Variants in CYFIP2 observed in about 807,000 individuals in gnomAD.
CYFIP2 encodes the protein cytoplasmic FMR1 interacting protein 2, also known as cytoplasmic FMR1-interacting protein 2.
CYFIP2 carries 29 observed loss-of-function variants against 158.7 expected under a neutral mutation model. That is an observed-to-expected ratio of 0.18 (90% CI 0.14 to 0.25). CYFIP2 has a LOEUF of 0.25. Ranked by LOEUF, CYFIP2 falls within the 10% of genes least tolerant of loss-of-function variation. CYFIP2 has a pLI of 1.00. For synonymous variants in CYFIP2, 585 were observed against 617.6 expected, an observed-to-expected ratio of 0.95 and a Z score of 0.78; for missense variants, 852 against 1,639.5, an observed-to-expected ratio of 0.52 and a Z score of 8.29.
At chr5:157,385,251 A>G (rs930122489) in intron 28 of CYFIP2, among the ~76,000 whole-genome samples, 1 of 152,254 alleles carries the variant, frequency 6.6e-6, no homozygotes, top group African/African-American at 2.4e-5. Context: ...TGGGACTGAT[A>G]GAAATCTCAG....
At chr5:157,294,229 A>G (rs1758068623) in intron 3 of CYFIP2, among the ~76,000 whole-genome samples, 1 of 152,156 alleles carries the variant, frequency 6.6e-6, no homozygotes, top group Non-Finnish European at 1.5e-5. Context: ...GGCTATTATC[A>G]TCCTTGCTTT....
chr5:157,335,236 A>G (rs1024908720), intron 21 of CYFIP2, among the ~76,000 whole-genome samples: 6 of 152,126 alleles, frequency 3.9e-5, no homozygotes, highest in African/African-American at 1.4e-4. Flanking sequence ...GGGTTACTAT[A>G]AGGATAAAAT....
chr5:157,279,962 T>C lies in CYFIP2; in HGVS notation c.-23-5377T>C, dbSNP rs147688522. Reference sequence around the variant, plus strand: ...TGGCAGTGCCTACCAGCACTTGAGCTAAAAATGTCGGATTTCCTTCTCCCT... The same window carrying C: ...TGGCAGTGCCTACCAGCACTTGAGCCAAAAATGTCGGATTTCCTTCTCCCT... On this transcript the variant is annotated intron_variant, in intron 1 of 30. Transcript: ENST00000620254. Among the ~76,000 whole-genome samples, 104 of 152,334 alleles carry C rather than the reference T, an allele frequency of 6.8e-4. No homozygotes were observed. The East Asian group carries it at 0.019, about 27-fold the overall frequency.
chr5:157,294,664 A>G, intron 3 of CYFIP2, 119 bp from the exon 4 acceptor site: 1 of 679,086 alleles, frequency 1.5e-6, no homozygotes, highest in Non-Finnish European at 2.5e-6. Flanking sequence ...TAAGGTCCCC[A>G]AGTGATGTCC....
intron 1 of CYFIP2, among the ~76,000 whole-genome samples, chr5:157,268,226 ACCG>A (rs1170497764): frequency 6.6e-6 from 1 of 152,184 alleles, no homozygotes; most frequent in Non-Finnish European, 1.5e-5. Context: ...GCCAGTTCTG[ACCG>A]GTTCTGTAGG....
chr5:157,378,175 G>A (rs1021191867), intron 26 of CYFIP2, among the ~76,000 whole-genome samples: 3 of 152,026 alleles, frequency 2.0e-5, no homozygotes, highest in African/African-American at 7.2e-5. Flanking sequence ...TTATAGACTT[G>A]GAATAACATC....
At position 157,286,579 on chromosome 5, in the gene CYFIP2, T is replaced by TA. The variant is rs1554106982; in HGVS notation, c.118-440_118-439insA. 1.4e-3 allele frequency among the ~76,000 whole-genome samples: 202 copies of TA among 148,228 alleles called. 1 individual carries two copies. Among genetic ancestry groups the TA allele is most frequent in the African/African-American group, 4.4e-3 (176 of 40,420 alleles). On this transcript the variant is annotated intron_variant, in intron 2 of 30. Transcript: ENST00000620254. The stretch of plus-strand genomic sequence containing the variant: ...ATATATATATATATATATATATATA[T>TA]TTAGCCTTTCACTGTTGATGGATAT...
intron 13 of CYFIP2, 133 bp from the exon 14 acceptor site, chr5:157,319,629 G>A: frequency 9.4e-7 from 1 of 1,064,422 alleles, no homozygotes; most frequent in Non-Finnish European, 1.3e-6. Context: ...GCCATGCGCT[G>A]GCACTTTGAG....
chr5:157,332,458 G>A (rs566007473), intron 20 of CYFIP2, among the ~76,000 whole-genome samples: 1 of 152,304 alleles, frequency 6.6e-6, no homozygotes, highest in African/African-American at 2.4e-5. Context: ...ACCCCTGAAT[G>A]CTTCAGCCTA....
chr5:157,347,422 A>G (rs191869372), intron 23 of CYFIP2, among the ~76,000 whole-genome samples: 1 of 152,064 alleles, frequency 6.6e-6, no homozygotes, highest in Non-Finnish European at 1.5e-5. Context: ...TTGATCAGAA[A>G]GTTGCTCTGC....
intron 6 of CYFIP2, 95 bp from the exon 7 acceptor site, chr5:157,302,699 A>C: frequency 1.2e-6 from 1 of 841,356 alleles, no homozygotes; most frequent in Non-Finnish European, 1.8e-6. Flanking sequence ...GGATGATGTC[A>C]CTCTGTGTTA....
chr5:157,359,493 G>A (rs10036635), intron 24 of CYFIP2, among the ~76,000 whole-genome samples: 239 of 152,208 alleles, frequency 1.6e-3, no homozygotes, highest in African/African-American at 5.2e-3. Context: ...ATTTGAGCAG[G>A]GCAAATTCAT....
intron 3 of CYFIP2, among the ~76,000 whole-genome samples, chr5:157,291,552 G>A (rs138227710): frequency 9.9e-4 from 151 of 152,306 alleles, no homozygotes; most frequent in African/African-American, 3.6e-3. Flanking sequence ...ATTAACACCC[G>A]TCGGCAGGCA....
intron 29 of CYFIP2, 25 bp downstream of exon 29, chr5:157,389,452 G>C (rs777715252): frequency 2.0e-6 from 3 of 1,535,338 alleles, no homozygotes; most frequent in Non-Finnish European, 2.6e-6. Flanking sequence ...GAGAAGGCAG[G>C]GTTACCCCCA....
chr5:157,294,339 C>G (rs1484850984), intron 3 of CYFIP2, among the ~76,000 whole-genome samples: 3 of 152,222 alleles, frequency 2.0e-5, no homozygotes, highest in South Asian at 4.1e-4. Flanking sequence ...TCAACTATGT[C>G]AGATTTCTCT....
chr5:157,376,690 A>G, intron 26 of CYFIP2: 1 of 236,992 alleles, frequency 4.2e-6, no homozygotes, highest in South Asian at 4.4e-5. Flanking sequence ...TGGGTCTCAT[A>G]TAGTCAGAGG....
rs374132627 is a variant in CYFIP2 at position 157,339,094 on chromosome 5, A to G, written c.2423A>G (p.His808Arg). Residue 808 changes from histidine to arginine, a missense_variant, in exon 22 of 31, where the codon CAT (histidine) becomes CGT (arginine). His to Arg is a conservative substitution (Grantham distance 29, BLOSUM62 0). Transcript: ENST00000620254. ...EWLLEINRLTHRLLCKHMTLD... is the reference protein window; with the variant it reads ...EWLLEINRLTRRLLCKHMTLD... ...CTGCTGGAGATTAACCGGCTCACGC[A>G]TCGGCTGCTCTGTAAGCATATGACG... The G allele has an allele frequency of 6.2e-7, 1 of 1,613,338 alleles. No individual in the cohort carries two copies. Among genetic ancestry groups the G allele is most frequent in the Non-Finnish European group, 8.5e-7 (1 of 1,179,712 alleles).
In CYFIP2 at chr5:157,300,726, C is replaced by A; in HGVS notation, c.399C>A (p.Ile133=). ...MKFMYFQRKA[I]ERFCSEVKRL... ...CCCTCTGCCCCCAGCGCAAGGCCAT[C>A]GAGCGGTTCTGCAGCGAGGTGAAGC... The change falls in exon 6 of 31, where the codon ATC becomes ATA. Residue 133 remains isoleucine (I), a synonymous_variant. Coordinates refer to ENST00000620254, the MANE Select transcript of CYFIP2 (RefSeq NM_001037333.3). 6.3e-7 allele frequency: 1 copy of A among 1,598,248 alleles called. No individual in the cohort carries two copies. The highest frequency in any genetic ancestry group is 8.5e-7 in the Non-Finnish European group (1 of 1,171,270).
At chr5:157,312,936 T>C (rs1759859506) in intron 11 of CYFIP2, among the ~76,000 whole-genome samples, 1 of 152,250 alleles carries the variant, frequency 6.6e-6, no homozygotes, top group East Asian at 1.9e-4. Flanking sequence ...GGTCTTGTAC[T>C]CCTGGACTCA....
Sources: allele counts gnomAD v4.1 joint callset (sites outside exome capture counted in the v4.1 genomes callset), GRCh38; gene constraint gnomAD v4.1.1; transcripts MANE v1.5; gene names NCBI Gene and HGNC (gene_info 2026-07-23, HGNC 2026-07-21).